Variants in SUGCT observed in about 807,000 individuals in gnomAD.
The protein encoded by SUGCT is succinyl-CoA:glutarate-CoA transferase.
Under a neutral mutation model 55.0 loss-of-function variants are expected in SUGCT, and 41 were observed. The observed-to-expected ratio is 0.74, with a 90% CI of 0.58 to 0.97. SUGCT has a LOEUF of 0.97. Among genes scored for constraint, SUGCT ranks in the 50% least tolerant of loss-of-function variants. The pLI is 0.00. For synonymous variants in SUGCT, 187 were observed against 200.4 expected, an observed-to-expected ratio of 0.93 and a Z score of 0.56; for missense variants, 568 against 547.8, an observed-to-expected ratio of 1.04 and a Z score of -0.37.
chr7:40,291,472 A>T, intron 8 of SUGCT, among the ~76,000 whole-genome samples: 1 of 126,358 alleles, frequency 7.9e-6, no homozygotes, highest in African/African-American at 3.0e-5. Context: ...ACATGGACAC[A>T]GGAAGGGGAA....
At chr7:40,259,603 T>C (rs1791081689) in intron 7 of SUGCT, among the ~76,000 whole-genome samples, 1 of 152,232 alleles carries the variant, frequency 6.6e-6, no homozygotes, top group African/African-American at 2.4e-5. Flanking sequence ...GGTTGTAAAG[T>C]GATGGTGCAG....
chr7:40,516,329 GT>G (rs1290248305), intron 12 of SUGCT, among the ~76,000 whole-genome samples: 3 of 152,168 alleles, frequency 2.0e-5, no homozygotes, highest in African/African-American at 7.2e-5. Flanking sequence ...ACACACAAAA[GT>G]TTTTAGTTTT....
downstream of SUGCT, among the ~76,000 whole-genome samples, chr7:40,862,449 C>T (rs191346555): frequency 6.2e-3 from 941 of 152,212 alleles, 18 homozygotes; most frequent in Non-Finnish European, 5.3e-3. Flanking sequence ...ATAATTAGTC[C>T]TGAAAGAAAC....
the SUGCT span, among the ~76,000 whole-genome samples, chr7:40,898,388 A>C: frequency 8.0e-5 from 12 of 150,184 alleles, no homozygotes; most frequent in Admixed American, 8.0e-4. Flanking sequence ...AACCCACCAG[A>C]AGGAAGAAAC....
Position 40,640,156 on chromosome 7 carries a change from A to G in SUGCT, c.1090-109278A>G, listed in dbSNP as rs547508124. Among the ~76,000 whole-genome samples the G allele has an allele frequency of 2.9e-3, 443 of 152,306 alleles. 1 individual carries two copies. The highest frequency in any genetic ancestry group is 4.5e-3 in the Non-Finnish European group (307 of 68,028). On this transcript the variant is annotated intron_variant, in intron 12 of 13. Coordinates refer to ENST00000335693, the MANE Select transcript of SUGCT (RefSeq NM_001193313.2). ...GCTGCCTTTTCCTCTTAAACCCAGC[A>G]AGTCAGAAAAATCAAACAATGAAAC...
intron 12 of SUGCT, among the ~76,000 whole-genome samples, chr7:40,665,682 G>GACC (rs1213385356): frequency 6.6e-6 from 1 of 151,642 alleles, no homozygotes; most frequent in Admixed American, 6.6e-5. Flanking sequence ...ATAGAGTGGG[G>GACC]ACCAAAACCA....
At chr7:40,433,712 G>T (rs962509198) in intron 9 of SUGCT, among the ~76,000 whole-genome samples, 1 of 152,078 alleles carries the variant, frequency 6.6e-6, no homozygotes, top group African/African-American at 2.4e-5. Flanking sequence ...AGGTGTTTGG[G>T]GTGGAATAGA....
the SUGCT span, among the ~76,000 whole-genome samples, chr7:40,968,871 C>A: frequency 1.3e-5 from 2 of 152,144 alleles, no homozygotes; most frequent in African/African-American, 4.8e-5. Flanking sequence ...CCCCACAGAC[C>A]TGAGGGTGGA....
intron 12 of SUGCT, among the ~76,000 whole-genome samples, chr7:40,565,852 C>T (rs1463425552): frequency 6.6e-6 from 1 of 152,046 alleles, no homozygotes; most frequent in Non-Finnish European, 1.5e-5. Context: ...ATCCTTGGGG[C>T]TTACTGCCTA....
chr7:40,552,828 G>T (rs1442016245), intron 12 of SUGCT, among the ~76,000 whole-genome samples: 1 of 130,742 alleles, frequency 7.6e-6, no homozygotes, highest in Admixed American at 9.1e-5. Flanking sequence ...AATTGGTTCA[G>T]GGATTTGAGA....
chr7:40,695,487 C>T (rs1215431885), intron 12 of SUGCT, among the ~76,000 whole-genome samples: 2 of 152,070 alleles, frequency 1.3e-5, no homozygotes, highest in African/African-American at 2.4e-5. Context: ...CATGAGTCTG[C>T]GCCCAGCCCA....
intron 13 of SUGCT, among the ~76,000 whole-genome samples, chr7:40,812,658 C>A (rs375364156): frequency 2.0e-5 from 3 of 151,954 alleles, no homozygotes; most frequent in East Asian, 1.9e-4. Flanking sequence ...CTTGTTTATC[C>A]TTTCAAAGAA....
chr7:40,995,691 G>A, the SUGCT span, among the ~76,000 whole-genome samples: 9 of 150,638 alleles, frequency 6.0e-5, no homozygotes, highest in South Asian at 2.1e-4. Context: ...TAATCATCAC[G>A]TAAAATGGCT....
At chr7:40,964,181 A>T in the SUGCT span, among the ~76,000 whole-genome samples, 2,245 of 152,258 alleles carry the variant, frequency 0.015, 60 homozygotes, top group Non-Finnish European at 0.017. Flanking sequence ...ATTAAGACAG[A>T]TTTGTCTGGC....
chr7:40,548,330 A>G (rs1795119808), intron 12 of SUGCT, among the ~76,000 whole-genome samples: 5 of 151,442 alleles, frequency 3.3e-5, no homozygotes, highest in Admixed American at 3.3e-4. Flanking sequence ...CTGGAACTAC[A>G]GGCACACCCC....
At chr7:40,287,006 G>T (rs999066935) in intron 8 of SUGCT, among the ~76,000 whole-genome samples, 21 of 152,142 alleles carry the variant, frequency 1.4e-4, no homozygotes, top group African/African-American at 4.8e-4. Context: ...TATTGAGAAG[G>T]TTGACATGGC....
At chr7:40,171,987 T>C (rs961290403) in intron 1 of SUGCT, among the ~76,000 whole-genome samples, 1 of 152,200 alleles carries the variant, frequency 6.6e-6, no homozygotes, top group African/African-American at 2.4e-5. Flanking sequence ...TTCCTCTCTC[T>C]CTCTTTCCCT....
intron 12 of SUGCT, among the ~76,000 whole-genome samples, chr7:40,666,772 C>T (rs558165736): frequency 6.6e-5 from 10 of 152,026 alleles, no homozygotes; most frequent in South Asian, 2.1e-4. Context: ...GCTTACTTGA[C>T]GGGTACAACA....
At chr7:40,371,835 T>C (rs1784308234) in intron 9 of SUGCT, among the ~76,000 whole-genome samples, 1 of 152,104 alleles carries the variant, frequency 6.6e-6, no homozygotes, top group Non-Finnish European at 1.5e-5. Flanking sequence ...GAGAATCTTC[T>C]GATTTTCTTC....
Sources: allele counts gnomAD v4.1 joint callset (sites outside exome capture counted in the v4.1 genomes callset), GRCh38; gene constraint gnomAD v4.1.1; transcripts MANE v1.5; gene names NCBI Gene and HGNC (gene_info 2026-07-23, HGNC 2026-07-21).